Variants in SLC4A4 observed in about 807,000 individuals in gnomAD.
SLC4A4 encodes electrogenic sodium bicarbonate cotransporter 1.
SLC4A4 carries 27 observed loss-of-function variants against 111.5 expected under a neutral mutation model. That is an observed-to-expected ratio of 0.24 (90% CI 0.18 to 0.33). The LOEUF (loss-of-function observed/expected upper bound fraction) is 0.33, where lower values mean the gene tolerates loss of function less well. Among genes scored for constraint, SLC4A4 ranks in the 10% least tolerant of loss-of-function variants. SLC4A4 has a pLI of 1.00. For synonymous variants in SLC4A4, 443 were observed against 463.4 expected (o/e 0.96, Z 0.57); for missense variants, 909 against 1,315.5 (o/e 0.69, Z 4.78).
At chr4:71,317,069 T>C (rs1281223936) in intron 3 of SLC4A4, among the ~76,000 whole-genome samples, 1 of 48,852 alleles carries the variant, frequency 2.0e-5, no homozygotes, top group African/African-American at 5.3e-5. Flanking sequence ...GGGTTGTGTG[T>C]GTGTGCGTGT....
intron 16 of SLC4A4, among the ~76,000 whole-genome samples, chr4:71,522,294 T>G (rs1418212083): frequency 6.6e-6 from 1 of 152,230 alleles, no homozygotes; most frequent in Non-Finnish European, 1.5e-5. Context: ...TAATCTGTGA[T>G]TTTCTGTGGC....
chr4:71,485,604 C>G (rs1054709986), intron 14 of SLC4A4, among the ~76,000 whole-genome samples: 4 of 151,464 alleles, frequency 2.6e-5, no homozygotes, highest in African/African-American at 9.7e-5. Context: ...TGCTTTACTG[C>G]TGAAATAGAG....
intron 1 of SLC4A4, among the ~76,000 whole-genome samples, chr4:71,216,167 C>T (rs545841037): frequency 6.6e-6 from 1 of 152,144 alleles, no homozygotes; most frequent in African/African-American, 2.4e-5. Flanking sequence ...CCTTGGCCCC[C>T]CAATGTGCTG....
At chr4:71,532,640 G>A (rs757251219) in intron 17 of SLC4A4, among the ~76,000 whole-genome samples, 27 of 152,182 alleles carry the variant, frequency 1.8e-4, no homozygotes, top group Non-Finnish European at 3.4e-4. Flanking sequence ...CAAGTAGCTG[G>A]TGCTGTAGGC....
chr4:71,153,708 A>G (rs1437377391), intron 2 of SLC4A4, among the ~76,000 whole-genome samples: 1 of 152,074 alleles, frequency 6.6e-6, no homozygotes, highest in South Asian at 2.1e-4. Flanking sequence ...AAAATATTTC[A>G]TTATCTACAC....
chr4:71,421,579 C>G (rs867292120), intron 7 of SLC4A4, among the ~76,000 whole-genome samples: 4 of 152,052 alleles, frequency 2.6e-5, no homozygotes, highest in Non-Finnish European at 5.9e-5. Flanking sequence ...TGACCACATA[C>G]TTGGAAGTAA....
chr4:71,400,865 A>G (rs942274033), intron 7 of SLC4A4, among the ~76,000 whole-genome samples: 9 of 151,424 alleles, frequency 5.9e-5, no homozygotes, highest in African/African-American at 2.2e-4. Flanking sequence ...GACAGGAAAG[A>G]AAAAAAAAGG....
chr4:71,099,798 G>A (rs1474463847), intron 2 of SLC4A4, among the ~76,000 whole-genome samples: 4 of 152,036 alleles, frequency 2.6e-5, no homozygotes, highest in Non-Finnish European at 5.9e-5. Context: ...AGAAATAAAA[G>A]TAACCATCAG....
chr4:71,466,467 C>T lies in SLC4A4; in HGVS notation c.1521C>T (p.Gly507=), dbSNP rs772214148. The part of the protein sequence containing the change: ...NMQGVLESFL[G]TAVSGAIFCL... ...AGGGCGTGTTGGAGAGTTTCCTGGGCACTGCTGTCTCTGGAGCCATCTTTT... is the reference window on the plus strand; with the variant it reads ...AGGGCGTGTTGGAGAGTTTCCTGGGTACTGCTGTCTCTGGAGCCATCTTTT... Residue 507 remains glycine, a synonymous_variant, in exon 13 of 26, where the codon GGC becomes GGT. Transcript: ENST00000264485. The T allele has an allele frequency of 1.9e-6, 3 of 1,613,658 alleles. No homozygotes were observed. Among genetic ancestry groups the T allele is most frequent in the East Asian group, 4.5e-5 (2 of 44,842 alleles).
chr4:71,262,614 A>G (rs138208035), intron 3 of SLC4A4, among the ~76,000 whole-genome samples: 147 of 152,208 alleles, frequency 9.7e-4, no homozygotes, highest in African/African-American at 3.4e-3. Flanking sequence ...ACTTCCTTTG[A>G]ATTCCTAAGG....
chr4:71,218,792 A>C (rs554568857), intron 1 of SLC4A4, among the ~76,000 whole-genome samples: 70 of 152,194 alleles, frequency 4.6e-4, no homozygotes, highest in South Asian at 3.5e-3. Flanking sequence ...TATTATATTA[A>C]ATTTTATTAT....
intron 16 of SLC4A4, among the ~76,000 whole-genome samples, chr4:71,519,484 A>T (rs1732727670): frequency 6.6e-6 from 1 of 152,250 alleles, no homozygotes; most frequent in African/African-American, 2.4e-5. Flanking sequence ...TATAAAATAC[A>T]CAGAGAGGAG....
intron 2 of SLC4A4, 34 bp downstream of exon 2, chr4:71,236,683 A>G (rs372508861): frequency 2.0e-6 from 3 of 1,523,636 alleles, no homozygotes; most frequent in African/African-American, 2.7e-5. Context: ...GTGTCTGTTG[A>G]CATACATATG....
intron 2 of SLC4A4, among the ~76,000 whole-genome samples, chr4:71,238,909 C>T (rs1199405064): frequency 1.3e-5 from 2 of 151,996 alleles, no homozygotes; most frequent in Non-Finnish European, 1.5e-5. Flanking sequence ...ATCCATGGTT[C>T]CAGTGATTGA....
intron 18 of SLC4A4, among the ~76,000 whole-genome samples, chr4:71,539,134 C>A (rs1734824838): frequency 6.6e-6 from 1 of 152,020 alleles, no homozygotes; most frequent in African/African-American, 2.4e-5. Flanking sequence ...GGATAACTCC[C>A]AAATTCCTAT....
intron 1 of SLC4A4, among the ~76,000 whole-genome samples, chr4:71,083,382 C>T (rs543549921): frequency 1.7e-4 from 26 of 151,782 alleles, no homozygotes; most frequent in South Asian, 4.2e-4. Flanking sequence ...AGACTCTACT[C>T]ATTTCTCAAT....
intron 1 of SLC4A4, among the ~76,000 whole-genome samples, chr4:71,229,530 T>A (rs905998648): frequency 2.0e-5 from 3 of 152,190 alleles, no homozygotes; most frequent in African/African-American, 4.8e-5. Context: ...TCTGATTTTG[T>A]GTGGGGCTCT....
At chr4:71,237,906 C>T (rs1719925474) in intron 2 of SLC4A4, among the ~76,000 whole-genome samples, 1 of 152,036 alleles carries the variant, frequency 6.6e-6, no homozygotes, top group African/African-American at 2.4e-5. Context: ...TTTATGGGTT[C>T]CTTGCATTTT....
At chr4:71,355,225 A>G (rs536250928) in intron 5 of SLC4A4, among the ~76,000 whole-genome samples, 2 of 152,324 alleles carry the variant, frequency 1.3e-5, no homozygotes, top group South Asian at 4.1e-4. Context: ...AAGGGTAGAT[A>G]AGAAACACTT....
Sources: allele counts gnomAD v4.1 joint callset (sites outside exome capture counted in the v4.1 genomes callset), GRCh38; gene constraint gnomAD v4.1.1; transcripts MANE v1.5; gene names NCBI Gene and HGNC (gene_info 2026-07-23, HGNC 2026-07-21).